PHKA1: variants seen among roughly 807,000 people sequenced by gnomAD.
PHKA1 encodes phosphorylase b kinase regulatory subunit alpha, skeletal muscle isoform.
A neutral mutation model predicts 110.2 loss-of-function variants in PHKA1; 60 were observed. That is an observed-to-expected ratio of 0.54 (90% CI 0.44 to 0.68). The LOEUF (loss-of-function observed/expected upper bound fraction) is 0.68. PHKA1 is among the 30% of genes least tolerant of loss of function. The pLI is 0.00. For missense variants in PHKA1, 801 were observed against 942.5 expected (o/e 0.85, Z 1.97); for synonymous variants, 316 against 333.6 (o/e 0.95, Z 0.58).
rs2052667631 is a variant in PHKA1 at position 72,602,271 on chromosome X, G to A, written c.2920C>T (p.Arg974Cys). The part of the protein sequence containing the change: ...GKEFGVERSV[R>C]PTDSNVSPAI... ...GGACTGACATTTGAATCAGTGGGACGAACTATGTAGTATGAGAGATTACAG... is the reference window on the plus strand; with the variant it reads ...GGACTGACATTTGAATCAGTGGGACAAACTATGTAGTATGAGAGATTACAG... The change falls in exon 27 of 32, where the codon CGT becomes TGT. Residue 974 changes from arginine (R) to cysteine (C), a missense_variant and splice_region_variant. Physicochemically the swap from Arg to Cys is radical, Grantham distance 180. Transcript: ENST00000373542. 4.6e-6 allele frequency: 5 copies of A among 1,093,579 alleles called. No homozygotes were observed. The Admixed American group carries it at 6.6e-5, about 14-fold the overall frequency. 90.1% of individuals were successfully genotyped at this position (1,093,579 alleles called of 1,213,427 possible).
chrX:72,681,501 G>A (rs1236494768), intron 5 of PHKA1, among the ~76,000 whole-genome samples: 2 of 93,234 alleles, frequency 2.1e-5, no homozygotes, highest in Admixed American at 1.2e-4. Context: ...AGGTGGGGGG[G>A]TCAGCCCCCC....
In PHKA1 at chrX:72,656,129, A is replaced by T; in HGVS notation, c.1032T>A (p.Asn344Lys). The change falls in exon 10 of 32, where the codon AAT (asparagine) becomes AAA (lysine). Residue 344 changes from asparagine to lysine, a missense_variant. Physicochemically the swap from Asn to Lys is moderately conservative, Grantham distance 94 (BLOSUM62 0). Around this residue, in one of 2 missense-constraint regions of PHKA1, gnomAD observed 299 missense variants for 423.3 expected, o/e 0.71. Transcript: ENST00000373542. ...YFILDGVFSG[N>K]AEQVQEYKEA... ...TTCCCCAGCTTATTACCTGTTCTGC[A>T]TTGCCACTGAAGACCCCATCAAGAA... 8.3e-7 allele frequency: 1 copy of T among 1,210,951 alleles called. No homozygotes were observed. Among genetic ancestry groups the T allele is most frequent in the Non-Finnish European group, 1.1e-6 (1 of 894,846 alleles).
intron 21 of PHKA1, among the ~76,000 whole-genome samples, chrX:72,617,026 A>G (rs2052907627): frequency 8.9e-6 from 1 of 112,101 alleles, no homozygotes; most frequent in Non-Finnish European, 1.9e-5. Context: ...TGTTTATAGC[A>G]ATGAATGCAT....
intron 5 of PHKA1, among the ~76,000 whole-genome samples, chrX:72,681,554 GC>G (rs2053872948): frequency 2.3e-5 from 2 of 87,404 alleles, no homozygotes; most frequent in Admixed American, 1.2e-4. Flanking sequence ...GGGGGGGTCA[GC>G]CCCCCGCCCG....
rs1556204593 is a variant in PHKA1 at position 72,582,605 on chromosome X, T to C, written c.3298-7A>G. On this transcript the variant is annotated splice_region_variant and splice_polypyrimidine_tract_variant and intron_variant, in intron 30 of 31. Transcript: ENST00000373542. ...TAATCTCACCTGGAGTCATCTGTGA[T>C]AGAGAAAAAGAAAATCACTTCCTAA... The C allele has an allele frequency of 2.6e-6, 3 of 1,134,797 alleles. No homozygotes were observed. In the Admixed American group the frequency reaches 6.6e-5, roughly 25 times the overall value. 93.5% of individuals were successfully genotyped at this position (1,134,797 alleles called of 1,213,427 possible). A position where few individuals can be genotyped will look rare whatever the true frequency, so the allele number is the denominator to read the frequency against.
In PHKA1 at chrX:72,671,668, G is replaced by A. The variant is rs371301623; in HGVS notation, c.619-4195C>T. Among the ~76,000 whole-genome samples the A allele has an allele frequency of 5.6e-4, 62 of 111,355 alleles. No individual in the cohort carries two copies. The East Asian group carries it at 0.015, about 27-fold the overall frequency. Reference sequence around the variant, plus strand: ...AAAAGAACAAAGCTGGAGGCATCACGCTACCTGACTTCAAACTATACTACA... The same window carrying A: ...AAAAGAACAAAGCTGGAGGCATCACACTACCTGACTTCAAACTATACTACA... On this transcript the variant is annotated intron_variant, in intron 6 of 31. Coordinates refer to ENST00000373542, the MANE Select transcript of PHKA1 (RefSeq NM_002637.4).
chrX:72,651,595 C>T (rs1301140732), intron 12 of PHKA1, among the ~76,000 whole-genome samples: 1 of 110,872 alleles, frequency 9.0e-6, no homozygotes, highest in Non-Finnish European at 1.9e-5. Flanking sequence ...ATACCAATCA[C>T]TGTGGTATTC....
intron 28 of PHKA1, among the ~76,000 whole-genome samples, chrX:72,595,619 AT>A (rs1482736794): frequency 2.7e-5 from 3 of 112,306 alleles, no homozygotes; most frequent in African/African-American, 9.7e-5. Context: ...AATAACAAAA[AT>A]CAATTAAATT....
intron 4 of PHKA1, among the ~76,000 whole-genome samples, chrX:72,684,983 G>C (rs2053951797): frequency 9.0e-6 from 1 of 111,029 alleles, no homozygotes; most frequent in South Asian, 3.8e-4. Context: ...ATTTTAAAAA[G>C]GACTTAAATT....
intron 28 of PHKA1, among the ~76,000 whole-genome samples, chrX:72,593,730 T>C (rs2052554762): frequency 8.9e-6 from 1 of 112,784 alleles, no homozygotes; most frequent in Admixed American, 9.3e-5. Context: ...AAAGAGGTTA[T>C]AGTGAAGCTA....
chrX:72,615,421 A>G (rs975586394), intron 21 of PHKA1, among the ~76,000 whole-genome samples: 1 of 111,105 alleles, frequency 9.0e-6, no homozygotes, highest in Admixed American at 9.6e-5. Flanking sequence ...CATTAAAAAT[A>G]GTAACTACAA....
At chrX:72,656,318 G>C (rs1450952348) in intron 9 of PHKA1, 76 bp from the exon 10 acceptor site, 1 of 1,046,449 alleles carries the variant, frequency 9.6e-7, no homozygotes. Flanking sequence ...ATTATAATAC[G>C]GGTTTTCATT....
intron 15 of PHKA1, 140 bp from the exon 16 acceptor site, chrX:72,635,439 C>T (rs1556291127): frequency 1.8e-6 from 1 of 554,273 alleles, no homozygotes; most frequent in South Asian, 3.0e-5. Flanking sequence ...CTAATACATT[C>T]CAAAGTATCT....
rs2053494495 is a variant in PHKA1 at position 72,656,129 on chromosome X, A to G, written c.1032T>C (p.Asn344=). The G allele has an allele frequency of 8.3e-7, 1 of 1,210,951 alleles. No individual in the cohort carries two copies. The highest frequency in any genetic ancestry group is 1.1e-6 in the Non-Finnish European group (1 of 894,846). ...YFILDGVFSG[N]AEQVQEYKEA... is the part of the protein sequence containing the mutation. ...TTCCCCAGCTTATTACCTGTTCTGC[A>G]TTGCCACTGAAGACCCCATCAAGAA... Residue 344 remains asparagine (N), a synonymous_variant, in exon 10 of 32, where the codon AAT becomes AAC. Transcript: ENST00000373542.
At position 72,690,463 on chromosome X, in the gene PHKA1, A is replaced by G. The variant is rs782766098; in HGVS notation, c.454+5245T>C. Among the ~76,000 whole-genome samples the G allele has an allele frequency of 2.7e-5, 3 of 111,232 alleles. No homozygotes were observed. In the South Asian group the frequency reaches 1.2e-3, roughly 43 times the overall value. On this transcript the variant is annotated intron_variant, in intron 4 of 31. Transcript: ENST00000373542. ...AGGTCATGAGGGTGGCCCTAACCCA[A>G]TAGGGCTGCCGTCCTTATAAGAAGA...
chrX:72,702,221 GT>G (rs2054214041), intron 3 of PHKA1, among the ~76,000 whole-genome samples: 1 of 111,258 alleles, frequency 9.0e-6, no homozygotes, highest in African/African-American at 3.3e-5. Context: ...GCCGAGGCTG[GT>G]GGATCACTTG....
intron 12 of PHKA1, 134 bp downstream of exon 12, chrX:72,652,410 G>A: frequency 1.9e-6 from 1 of 514,964 alleles, no homozygotes; most frequent in Non-Finnish European, 3.5e-6. Context: ...CTGAAGACCT[G>A]GAGGAAAACT....
At chrX:72,623,301 C>A in intron 17 of PHKA1, 26 bp from the exon 18 acceptor site, 1 of 1,148,931 alleles carries the variant, frequency 8.7e-7, no homozygotes, top group Non-Finnish European at 1.2e-6. Flanking sequence ...GGATAGAAAA[C>A]AGAAAATCAG....
chrX:72,613,206 A>C (rs1556263391), intron 21 of PHKA1, among the ~76,000 whole-genome samples: 1 of 111,812 alleles, frequency 8.9e-6, no homozygotes, highest in East Asian at 2.8e-4. Context: ...TTTGTTATGA[A>C]GCAATAGATA....
Sources: allele counts gnomAD v4.1 joint callset (sites outside exome capture counted in the v4.1 genomes callset), GRCh38; gene constraint gnomAD v4.1.1; regional missense constraint gnomAD v4.1.1; transcripts MANE v1.5; gene names NCBI Gene and HGNC (gene_info 2026-07-23, HGNC 2026-07-21).